CSGALNACT1: variants seen among roughly 807,000 people sequenced by gnomAD.
CSGALNACT1 encodes the protein chondroitin sulfate N-acetylgalactosaminyltransferase 1, also known as beta4GalNAcT-1.
A neutral mutation model predicts 51.0 loss-of-function variants in CSGALNACT1; 52 were observed. The observed-to-expected ratio is 1.02, with a 90% CI of 0.82 to 1.29. The LOEUF is 1.29. CSGALNACT1 is among the 50% of genes most tolerant of loss of function. The probability of loss-of-function intolerance (pLI) is 0.00; values close to 1 mark genes in which losing one functional copy is unlikely to be tolerated. For synonymous variants in CSGALNACT1, 341 were observed against 254.4 expected (o/e 1.34, Z -3.24); for missense variants, 935 against 679.2 (o/e 1.38, Z -4.19).
intron 3 of CSGALNACT1, among the ~76,000 whole-genome samples, chr8:19,562,484 G>GGAAA (rs1554708384): frequency 7.7e-6 from 1 of 129,314 alleles, no homozygotes; most frequent in African/African-American, 2.8e-5. Flanking sequence ...CTTCTGCACA[G>GGAAA]AAAAAAAAAA....
chr8:19,640,647 T>C (rs1446253191), intron 1 of CSGALNACT1, among the ~76,000 whole-genome samples: 1 of 152,228 alleles, frequency 6.6e-6, no homozygotes. Context: ...TCTCAGTAGT[T>C]GATCTGGCAC....
chr8:19,732,645 C>T (rs1184126241), intron 1 of CSGALNACT1: 3 of 152,144 alleles, frequency 2.0e-5, no homozygotes, highest in African/African-American at 7.2e-5. Context: ...TGAGTTAAAA[C>T]AACATACAGA....
Position 19,505,333 on chromosome 8 carries a change from C to A in CSGALNACT1, c.502G>T (p.Glu168Ter). The A allele has an allele frequency of 6.2e-7, 1 of 1,614,166 alleles. No individual in the cohort carries two copies. The highest frequency in any genetic ancestry group is 8.5e-7 in the Non-Finnish European group (1 of 1,179,998). The change falls in exon 4 of 10, where the codon GAG (glutamate) becomes TAG (stop). Residue 168 changes from glutamate (E) to a stop codon, truncating the protein, a stop_gained. Coordinates refer to ENST00000454498, the Ensembl canonical transcript of CSGALNACT1. LOFTEE classifies it high-confidence loss of function. ...TTGTCCTTCCTCACAGGCTTCTCCT[C>A]GGGGTGGCGGGTAAGGCCAGTCTCC...
intron 1 of CSGALNACT1, among the ~76,000 whole-genome samples, chr8:19,737,712 G>A (rs1437671763): frequency 6.6e-6 from 1 of 152,144 alleles, no homozygotes; most frequent in Non-Finnish European, 1.5e-5. Flanking sequence ...AAATGTAAAT[G>A]TACTAAGGCT....
intron 1 of CSGALNACT1, among the ~76,000 whole-genome samples, chr8:19,630,901 C>T (rs1159142034): frequency 2.0e-5 from 3 of 152,160 alleles, no homozygotes; most frequent in African/African-American, 4.8e-5. Flanking sequence ...TACAGTTTCC[C>T]CCTTTTATTT....
chr8:19,599,455 AAAG>A, intron 2 of CSGALNACT1, among the ~76,000 whole-genome samples: 1 of 116,594 alleles, frequency 8.6e-6, no homozygotes, highest in East Asian at 2.5e-4. Context: ...AAGAAAAAGA[AAAG>A]AAAGAAAGAA....
At chr8:19,475,377 T>C (rs1053522529) in intron 4 of CSGALNACT1, among the ~76,000 whole-genome samples, 2 of 152,190 alleles carry the variant, frequency 1.3e-5, no homozygotes, top group African/African-American at 4.8e-5. Context: ...GATCTTGGTT[T>C]GGTGGTTTGC....
At chr8:19,436,682 G>A (rs1458259240) in intron 6 of CSGALNACT1, among the ~76,000 whole-genome samples, 1 of 152,138 alleles carries the variant, frequency 6.6e-6, no homozygotes, top group African/African-American at 2.4e-5. Flanking sequence ...TGAGGCAAGA[G>A]GATTGCTCAA....
chr8:19,560,450 G>C (rs1480792677), intron 3 of CSGALNACT1, among the ~76,000 whole-genome samples: 1 of 152,106 alleles, frequency 6.6e-6, no homozygotes, highest in Non-Finnish European at 1.5e-5. Context: ...AGAGTTAAAA[G>C]ACATGCCACA....
intron 4 of CSGALNACT1, among the ~76,000 whole-genome samples, chr8:19,482,792 T>A (rs1234760185): frequency 6.6e-6 from 1 of 152,118 alleles, no homozygotes; most frequent in African/African-American, 2.4e-5. Context: ...ACCCCTTAGC[T>A]CCAAATTTGA....
chr8:19,456,938 G>C (rs948320602), intron 5 of CSGALNACT1, among the ~76,000 whole-genome samples: 5 of 152,198 alleles, frequency 3.3e-5, no homozygotes, highest in Non-Finnish European at 7.3e-5. Flanking sequence ...AAATAGACTT[G>C]TTCAGTCCTC....
At chr8:19,474,404 G>T (rs561316718) in intron 4 of CSGALNACT1, among the ~76,000 whole-genome samples, 1 of 152,058 alleles carries the variant, frequency 6.6e-6, no homozygotes, top group Admixed American at 6.6e-5. Flanking sequence ...TTTATATTTG[G>T]AAATGTATAG....
At chr8:19,525,803 C>A (rs922789320) in intron 3 of CSGALNACT1, among the ~76,000 whole-genome samples, 1 of 151,956 alleles carries the variant, frequency 6.6e-6, no homozygotes, top group African/African-American at 2.4e-5. Flanking sequence ...TGAACTGAGG[C>A]CCTAGAACCA....
chr8:19,536,148 C>G (rs552197147), intron 3 of CSGALNACT1, among the ~76,000 whole-genome samples: 4 of 152,224 alleles, frequency 2.6e-5, no homozygotes, highest in African/African-American at 9.6e-5. Flanking sequence ...ATATATGACA[C>G]TTAATTGCAT....
intron 5 of CSGALNACT1, among the ~76,000 whole-genome samples, chr8:19,454,709 T>C (rs1177985644): frequency 6.6e-6 from 1 of 152,004 alleles, no homozygotes; most frequent in Admixed American, 6.6e-5. Context: ...AATCAGAAGA[T>C]GAGACACAGA....
chr8:19,518,950 C>T (rs1446955746), intron 3 of CSGALNACT1, among the ~76,000 whole-genome samples: 1 of 152,188 alleles, frequency 6.6e-6, no homozygotes, highest in Non-Finnish European at 1.5e-5. Context: ...AAAAACGAAG[C>T]TCTCTCCTTC....
intron 3 of CSGALNACT1, among the ~76,000 whole-genome samples, chr8:19,513,401 ATT>A (rs2078819894): frequency 1.7e-5 from 1 of 57,760 alleles, no homozygotes; most frequent in Non-Finnish European, 3.3e-5. Flanking sequence ...TGTTCATAGA[ATT>A]TTCTCTCTCT....
chr8:19,584,085 AC>A (rs2046145933), intron 3 of CSGALNACT1, among the ~76,000 whole-genome samples: 1 of 152,238 alleles, frequency 6.6e-6, no homozygotes, highest in South Asian at 2.1e-4. Context: ...TAAAGGCAAC[AC>A]TGAAGTAACA....
chr8:19,685,885 G>A (rs187488212), upstream of CSGALNACT1, among the ~76,000 whole-genome samples: 27 of 152,234 alleles, frequency 1.8e-4, no homozygotes, highest in Admixed American at 8.5e-4. Context: ...GTTAATAGCC[G>A]TACAACCTCA....
Sources: gnomAD v4.1 joint callset for allele counts (sites outside exome capture counted in the v4.1 genomes callset) on GRCh38, gnomAD v4.1.1 for gene constraint, MANE v1.5 for transcripts, NCBI Gene and HGNC (gene_info 2026-07-23, HGNC 2026-07-21) for gene names.